LZTS1: variants seen among roughly 807,000 people sequenced by gnomAD.
LZTS1 encodes leucine zipper putative tumor suppressor 1.
A neutral mutation model predicts 45.8 loss-of-function variants in LZTS1; 31 were observed. The ratio of observed to expected loss-of-function variants is 0.68; its 90% confidence interval spans 0.51 to 0.91. The LOEUF (loss-of-function observed/expected upper bound fraction) is 0.91. Among genes scored for constraint, LZTS1 ranks in the 40% least tolerant of loss-of-function variants. The probability of loss-of-function intolerance (pLI) is 0.00; values close to 1 mark genes in which losing one functional copy is unlikely to be tolerated. For missense variants in LZTS1, 821 were observed against 788.9 expected (o/e 1.04, Z -0.49); for synonymous variants, 359 against 357.3 (o/e 1.00, Z -0.05).
In LZTS1 at chr8:20,253,233, G is replaced by C; in HGVS notation, c.698C>G (p.Ser233Cys). ...NMMSLKALSF[S>C]DGGSKLGHSN... ...GTGGCCCAGCTTGCTACCTCCGTCG[G>C]AGAAGGACAGAGCCTTCAGGCTCAT... is the stretch of plus-strand genomic sequence containing the variant. The change falls in exon 3 of 4, where the codon TCC becomes TGC. Residue 233 changes from serine (S) to cysteine (C), a missense_variant. Coordinates refer to ENST00000381569, the MANE Select transcript of LZTS1 (RefSeq NM_021020.5). The C allele has an allele frequency of 6.2e-7, 1 of 1,614,006 alleles. No homozygotes were observed. The highest frequency in any genetic ancestry group is 8.5e-7 in the Non-Finnish European group (1 of 1,180,038).
intron 1 of LZTS1, among the ~76,000 whole-genome samples, chr8:20,267,412 CA>C (rs1349796000): frequency 9.2e-5 from 14 of 152,200 alleles, no homozygotes; most frequent in Admixed American, 9.2e-4. Flanking sequence ...CTGGGACACT[CA>C]ACCCACTTAC....
intron 1 of LZTS1, among the ~76,000 whole-genome samples, chr8:20,292,427 G>A (rs1478174450): frequency 6.6e-6 from 1 of 152,222 alleles, no homozygotes; most frequent in Non-Finnish European, 1.5e-5. Context: ...ACATATGAGA[G>A]CGGCAGAGAA....
chr8:20,303,455 A>G (rs567226119), intron 1 of LZTS1, among the ~76,000 whole-genome samples: 83 of 152,302 alleles, frequency 5.4e-4, no homozygotes, highest in Non-Finnish European at 8.4e-4. Context: ...TGCTGGGAAT[A>G]GACGAACCCC....
chr8:20,292,497 T>G (rs763543054), intron 1 of LZTS1, among the ~76,000 whole-genome samples: 6 of 152,224 alleles, frequency 3.9e-5, no homozygotes, highest in Non-Finnish European at 5.9e-5. Flanking sequence ...CAGCCTTTGC[T>G]GTCACAGAAC....
At chr8:20,270,039 C>T (rs1254308487) in intron 1 of LZTS1, among the ~76,000 whole-genome samples, 1 of 152,266 alleles carries the variant, frequency 6.6e-6, no homozygotes, top group Admixed American at 6.5e-5. Context: ...ATGCCTGAGG[C>T]CCTTCCTGAG....
In LZTS1 at chr8:20,252,907, T is replaced by C; in HGVS notation, c.1024A>G (p.Lys342Glu). ...TCGAGCTCCTGCCGGAGCTGCCGCT[T>C]CTCCTGCTGAAGCTGCAGTACCTGC... ...HLQVLQLQQE[K>E]RQLRQELESL... Residue 342 changes from lysine (K) to glutamate (E), a missense_variant, in exon 3 of 4, where the codon AAG becomes GAG. Lys to Glu is a moderately conservative substitution (Grantham distance 56). Transcript: ENST00000381569. 1.2e-6 allele frequency: 2 copies of C among 1,610,404 alleles called. No homozygotes were observed. The highest frequency in any genetic ancestry group is 1.7e-6 in the Non-Finnish European group (2 of 1,178,922).
At chr8:20,263,295 T>C (rs1330199902) in intron 1 of LZTS1, among the ~76,000 whole-genome samples, 1 of 151,206 alleles carries the variant, frequency 6.6e-6, no homozygotes, top group East Asian at 1.9e-4. Context: ...CCCTCTGGGC[T>C]CAGTTTCCAA....
chr8:20,277,839 T>A (rs1229141161), intron 1 of LZTS1, among the ~76,000 whole-genome samples: 1 of 152,190 alleles, frequency 6.6e-6, no homozygotes, highest in Non-Finnish European at 1.5e-5. Flanking sequence ...CTGTGTCTAA[T>A]GCCAATTCCA....
rs723874 is a variant in LZTS1, at chr8:20,250,090, G to C, written c.1423C>G (p.Leu475Val). 73,861 of 1,606,994 alleles carry C rather than the reference G, an allele frequency of 0.046. 2,150 individuals are homozygous for C. Among genetic ancestry groups the C allele is most frequent in the African/African-American group, 0.11 (8,267 of 75,016 alleles). The change falls in exon 4 of 4, where the codon CTG becomes GTG. Residue 475 changes from leucine to valine, a missense_variant. Coordinates refer to ENST00000381569, the MANE Select transcript of LZTS1 (RefSeq NM_021020.5). ...REKVNLLEQELQELRAQAALA... is the reference protein window; with the variant it reads ...REKVNLLEQEVQELRAQAALA... ...GCGGCCTGGGCCCGCAGCTCCTGCA[G>C]CTCCTGCTCCAGCAGGTTCACCTTC...
chr8:20,257,303 T>C (rs1277015795), intron 1 of LZTS1, among the ~76,000 whole-genome samples: 3 of 152,020 alleles, frequency 2.0e-5, no homozygotes, highest in Non-Finnish European at 2.9e-5. Context: ...GAGGTTGCAG[T>C]GAGCTGAGAT....
intron 1 of LZTS1, among the ~76,000 whole-genome samples, chr8:20,278,019 G>A (rs1005032175): frequency 2.6e-5 from 4 of 152,138 alleles, no homozygotes; most frequent in Non-Finnish European, 5.9e-5. Flanking sequence ...GTAGGTAGTC[G>A]GGCAGGCATG....
chr8:20,296,928 C>T (rs1047649821), intron 1 of LZTS1, among the ~76,000 whole-genome samples: 1 of 152,204 alleles, frequency 6.6e-6, no homozygotes, highest in Non-Finnish European at 1.5e-5. Flanking sequence ...AATCACCTCT[C>T]TGCTGGATTG....
In LZTS1 at chr8:20,272,236, G is replaced by A. The variant is rs1385708596; in HGVS notation, c.-134-16921C>T. Among the ~76,000 whole-genome samples the A allele has an allele frequency of 2.0e-5, 3 of 152,140 alleles. No homozygotes were observed. In the East Asian group the frequency reaches 5.8e-4, roughly 29 times the overall value. ...CCCACTATTTCAGGCTAGAATGACT[G>A]GGCCTGCTTCTTGACTGATCCACGA... On this transcript the variant is annotated intron_variant, in intron 1 of 3. Coordinates refer to ENST00000381569, the MANE Select transcript of LZTS1 (RefSeq NM_021020.5).
chr8:20,268,644 G>C (rs1174225715), intron 1 of LZTS1, among the ~76,000 whole-genome samples: 1 of 152,080 alleles, frequency 6.6e-6, no homozygotes, highest in East Asian at 1.9e-4. Flanking sequence ...CATGAGCAAA[G>C]CTCGATACAG....
chr8:20,257,286 G>A (rs1028971776), intron 1 of LZTS1, among the ~76,000 whole-genome samples: 2 of 152,200 alleles, frequency 1.3e-5, no homozygotes, highest in African/African-American at 4.8e-5. Flanking sequence ...CTTGAACCCA[G>A]GAGGCGGAGG....
At chr8:20,287,897 C>CAAA (rs34653802) in intron 1 of LZTS1, among the ~76,000 whole-genome samples, 3,848 of 54,028 alleles carry the variant, frequency 0.071, 126 homozygotes, top group Admixed American at 0.096. Context: ...GCACTCCAGC[C>CAAA]AAAAAAAAAA....
chr8:20,300,215 C>CT (rs376577747), intron 1 of LZTS1, among the ~76,000 whole-genome samples: 124 of 152,352 alleles, frequency 8.1e-4, no homozygotes, highest in African/African-American at 2.8e-3. Flanking sequence ...CAGAAATCCA[C>CT]TGTTGGGAAC....
intron 1 of LZTS1, chr8:20,290,198 A>T (rs1452415680): frequency 6.6e-6 from 1 of 152,066 alleles, no homozygotes; most frequent in Non-Finnish European, 1.5e-5. Flanking sequence ...CACTCTGAAC[A>T]CGCCGGATGT....
rs1276449428 is a variant in LZTS1, at chr8:20,255,116, C to A, written c.66G>T (p.Gln22His). ...GGTGGGAGGACTTGCGCAGCTTGTA[C>A]TGCGAAGCCCGGCAGTGCTTGCTGT... is the stretch of plus-strand genomic sequence containing the variant. ...SFHSKHCRAS[Q>H]YKLRKSSHLK... Residue 22 changes from glutamine (Q) to histidine (H), a missense_variant, in exon 2 of 4, where the codon CAG becomes CAT. Physicochemically the swap from Gln to His is conservative, Grantham distance 24. Transcript: ENST00000381569. 33 of 1,614,082 alleles carry A rather than the reference C, an allele frequency of 2.0e-5. No individual in the cohort carries two copies. Among genetic ancestry groups the A allele is most frequent in the Non-Finnish European group, 2.6e-5 (31 of 1,180,054 alleles).
Sources: allele counts gnomAD v4.1 joint callset (sites outside exome capture counted in the v4.1 genomes callset), GRCh38; gene constraint gnomAD v4.1.1; transcripts MANE v1.5; gene names NCBI Gene and HGNC (gene_info 2026-07-23, HGNC 2026-07-21).